CEMIP2: variants seen among roughly 807,000 people sequenced by gnomAD.
CEMIP2 encodes the protein cell migration inducing hyaluronidase 2, also known as cell surface hyaluronidase CEMIP2.
In CEMIP2, 79 loss-of-function variants were observed where a neutral mutation model predicts 146.9. The ratio of observed to expected loss-of-function variants is 0.54; its 90% CI spans 0.45 to 0.65. The LOEUF is 0.65. Ranked by LOEUF, CEMIP2 falls within the 30% of genes least tolerant of loss-of-function variation. The pLI is 0.00. For synonymous variants in CEMIP2, 601 were observed against 606.3 expected, an observed-to-expected ratio of 0.99 and a Z score of 0.13; for missense variants, 1,596 against 1,696.2, an observed-to-expected ratio of 0.94 and a Z score of 1.04.
At chr9:71,701,764 ACTTTTTATCATTTT>A (rs1822569011) in intron 18 of CEMIP2, among the ~76,000 whole-genome samples, 1 of 152,070 alleles carries the variant, frequency 6.6e-6, no homozygotes, top group Admixed American at 6.6e-5. Flanking sequence ...AAACATTTCC[ACTTTTTATCATTTT>A]CTCTCTTTTT....
chr9:71,761,409 G>A (rs1299241246), intron 1 of CEMIP2, among the ~76,000 whole-genome samples: 5 of 152,128 alleles, frequency 3.3e-5, no homozygotes, highest in African/African-American at 1.2e-4. Context: ...AATGACAATA[G>A]GAAACAGAAG....
intron 21 of CEMIP2, 63 bp from the exon 22 acceptor site, chr9:71,690,309 A>G (rs536803925): frequency 6.4e-7 from 1 of 1,569,370 alleles, no homozygotes. Flanking sequence ...AGGATGACTC[A>G]TTTTTCCGGC....
At chr9:71,752,229 C>T (rs1255447280) in intron 1 of CEMIP2, among the ~76,000 whole-genome samples, 1 of 151,392 alleles carries the variant, frequency 6.6e-6, no homozygotes, top group Middle Eastern at 3.4e-3. Context: ...TCCAAACAAT[C>T]GAGAGGCAAA....
chr9:71,749,730 T>A (rs547932497), intron 2 of CEMIP2, among the ~76,000 whole-genome samples: 1 of 151,232 alleles, frequency 6.6e-6, no homozygotes, highest in East Asian at 2.0e-4. Context: ...AAAAAAAAAA[T>A]TGCAGCAGTC....
At chr9:71,750,787 C>T (rs1824229673) in intron 1 of CEMIP2, among the ~76,000 whole-genome samples, 1 of 151,736 alleles carries the variant, frequency 6.6e-6, no homozygotes, top group Admixed American at 6.6e-5. Context: ...CACTCTGTTG[C>T]CCAGACTGAA....
rs987300952 is a variant in CEMIP2, at chr9:71,732,415, T to A, written c.1499A>T (p.Asp500Val). Residue 500 changes from aspartate to valine, a missense_variant, in exon 7 of 24, where the codon GAC (aspartate) becomes GTC (valine). Coordinates refer to ENST00000377044, the MANE Select transcript of CEMIP2 (RefSeq NM_013390.3). The part of the protein sequence containing the change: ...RNIVIQGEVE[D>V]SCYAENQCQF... ...GCACTGATTTTCTGCGTAGCATGAGTCCTCCACTTCTCCTTGGATCACAAT... is the reference window on the plus strand; with the variant it reads ...GCACTGATTTTCTGCGTAGCATGAGACCTCCACTTCTCCTTGGATCACAAT... 1.9e-6 allele frequency: 3 copies of A among 1,613,862 alleles called. No individual in the cohort carries two copies. Among genetic ancestry groups the A allele is most frequent in the Non-Finnish European group, 2.5e-6 (3 of 1,180,012 alleles).
Position 71,750,385 on chromosome 9 carries a change from A to C in CEMIP2, c.-12T>G. 6.4e-7 allele frequency: 1 copy of C among 1,552,076 alleles called. No individual in the cohort carries two copies. Among genetic ancestry groups the C allele is most frequent in the Non-Finnish European group, 8.7e-7 (1 of 1,153,078 alleles). The stretch of plus-strand genomic sequence containing the variant: ...TCAGTGGCATACATGATACACTGTT[A>C]CTGTGAAAAGAAAAAAAAATTAAGC... On this transcript the variant is annotated splice_region_variant and 5_prime_UTR_variant, in exon 2 of 24. Coordinates refer to ENST00000377044, the MANE Select transcript of CEMIP2 (RefSeq NM_013390.3).
intron 14 of CEMIP2, 53 bp from the exon 15 acceptor site, chr9:71,715,142 A>G: frequency 1.9e-6 from 3 of 1,581,012 alleles, no homozygotes. Flanking sequence ...ATTTAAATGT[A>G]TTCCCAAATG....
chr9:71,716,541 T>C lies in CEMIP2; in HGVS notation c.2411A>G (p.Asn804Ser), dbSNP rs1480053587. The change falls in exon 14 of 24, where the codon AAT becomes AGT. Residue 804 changes from asparagine to serine, a missense_variant. Coordinates refer to ENST00000377044, the MANE Select transcript of CEMIP2 (RefSeq NM_013390.3). ...IIVQNSAFAD[N>S]GIGLTFASDG... Reference sequence around the variant, plus strand: ...CCTGGCAAAGGTCAGTCCTATTCCATTATCTGCAAATCTGTAAAAGAAGAG... The same window carrying C: ...CCTGGCAAAGGTCAGTCCTATTCCACTATCTGCAAATCTGTAAAAGAAGAG... The C allele has an allele frequency of 6.3e-7, 1 of 1,597,390 alleles. No homozygotes were observed. The highest frequency in any genetic ancestry group is 8.5e-7 in the Non-Finnish European group (1 of 1,172,650).
intron 23 of CEMIP2, 145 bp from the exon 24 acceptor site, chr9:71,685,538 A>G: frequency 9.4e-7 from 1 of 1,061,950 alleles, no homozygotes; most frequent in Non-Finnish European, 1.3e-6. Flanking sequence ...CAGCAAATGA[A>G]CTCTCACCAC....
chr9:71,729,262 T>C (rs1823541873), intron 10 of CEMIP2, among the ~76,000 whole-genome samples: 1 of 151,950 alleles, frequency 6.6e-6, no homozygotes, highest in Non-Finnish European at 1.5e-5. Context: ...GGAAATAACA[T>C]AACCCTAGTG....
At chr9:71,759,547 G>A (rs1224647230) in intron 1 of CEMIP2, among the ~76,000 whole-genome samples, 2 of 152,198 alleles carry the variant, frequency 1.3e-5, no homozygotes, top group Non-Finnish European at 2.9e-5. Context: ...GTTCCAGGGA[G>A]AATGAGGGCT....
At chr9:71,691,691 C>A (rs1396102400) in intron 21 of CEMIP2, among the ~76,000 whole-genome samples, 10 of 152,132 alleles carry the variant, frequency 6.6e-5, no homozygotes, top group Non-Finnish European at 1.5e-4. Context: ...TAAAGCAAAG[C>A]AAGGTACTGT....
In CEMIP2 at chr9:71,694,595, T is replaced by C; in HGVS notation, c.3610A>G (p.Ser1204Gly). Residue 1204 changes from serine to glycine, a missense_variant, in exon 21 of 24, where the codon AGT becomes GGT. By Grantham distance (56) the Ser-to-Gly change is moderately conservative. Transcript: ENST00000377044. ...GGGAGGTAACTTTTATGAGGATCAC[T>C]AGTAAACACCACCTAGACAGAGAAG... ...GCGTRQVVFT[S>G]DPHKSYLPVQ... 3 of 1,612,370 alleles carry C rather than the reference T, an allele frequency of 1.9e-6. No homozygotes were observed.
intron 19 of CEMIP2, chr9:71,699,452 TAAAA>T (rs5898223): frequency 2.6e-6 from 1 of 378,016 alleles, no homozygotes; most frequent in Non-Finnish European, 5.0e-6. Context: ...CACCGTCTCT[TAAAA>T]AAAAAAAAAG....
intron 12 of CEMIP2, among the ~76,000 whole-genome samples, chr9:71,721,553 TTA>T (rs1431154071): frequency 2.0e-5 from 3 of 152,212 alleles, no homozygotes; most frequent in Non-Finnish European, 4.4e-5. Context: ...ACCTCATGTC[TTA>T]TTAAAGTGTT....
chr9:71,752,463 A>G (rs375280708), intron 1 of CEMIP2, among the ~76,000 whole-genome samples: 10 of 60 alleles, frequency 0.17, no homozygotes, highest in African/African-American at 0.3. Flanking sequence ...GCCAAGAGGA[A>G]GGAAGGAAGG....
At chr9:71,732,009 T>G (rs1823631377) in intron 7 of CEMIP2, among the ~76,000 whole-genome samples, 1 of 152,208 alleles carries the variant, frequency 6.6e-6, no homozygotes, top group Non-Finnish European at 1.5e-5. Flanking sequence ...TTAAAAAAAC[T>G]AATTGATTCT....
chr9:71,719,994 C>T (rs1823186986), intron 12 of CEMIP2, among the ~76,000 whole-genome samples: 1 of 152,178 alleles, frequency 6.6e-6, no homozygotes, highest in African/African-American at 2.4e-5. Flanking sequence ...TAATCAGTAA[C>T]TGACCACTTG....
Sources: gnomAD v4.1 joint callset for allele counts (sites outside exome capture counted in the v4.1 genomes callset) on GRCh38, gnomAD v4.1.1 for gene constraint, MANE v1.5 for transcripts, NCBI Gene and HGNC (gene_info 2026-07-23, HGNC 2026-07-21) for gene names.